Variants in UBASH3B observed in about 807,000 individuals in gnomAD.
UBASH3B encodes the protein ubiquitin associated and SH3 domain containing B.
In UBASH3B, 37 loss-of-function variants were observed where a neutral mutation model predicts 83.4. The observed-to-expected ratio is 0.44, with a 90% CI of 0.34 to 0.58. UBASH3B has a LOEUF of 0.58. Among genes scored for constraint, UBASH3B ranks in the 20% least tolerant of loss-of-function variants. The probability of loss-of-function intolerance (pLI) is 0.01; values close to 1 mark genes in which losing one functional copy is unlikely to be tolerated. For synonymous variants in UBASH3B, 304 were observed against 318.3 expected, an observed-to-expected ratio of 0.96 and a Z score of 0.48; for missense variants, 657 against 827.2, an observed-to-expected ratio of 0.79 and a Z score of 2.52.
Position 122,789,237 on chromosome 11 carries a change from C to A in UBASH3B, c.909C>A (p.Thr303=), listed in dbSNP as rs766919387. 3 of 1,614,208 alleles carry A rather than the reference C, an allele frequency of 1.9e-6. No individual in the cohort carries two copies. The East Asian group carries it at 6.7e-5, about 36-fold the overall frequency. The change falls in exon 6 of 14, where the codon ACC becomes ACA. Residue 303 remains threonine, a synonymous_variant. Coordinates refer to ENST00000284273, the MANE Select transcript of UBASH3B (RefSeq NM_032873.5). The stretch of plus-strand genomic sequence containing the variant: ...GGATCTATGGCACGTCCTTAACCAC[C>A]GGCTGCTCTGGACTCCTGCCTGAGA... ...EGWIYGTSLT[T]GCSGLLPENY...
intron 1 of UBASH3B, among the ~76,000 whole-genome samples, chr11:122,763,028 C>T (rs1298184975): frequency 6.6e-6 from 1 of 152,136 alleles, no homozygotes; most frequent in East Asian, 1.9e-4. Flanking sequence ...GTTATTACCG[C>T]CATTTAAGAG....
chr11:122,779,561 G>C lies in UBASH3B; in HGVS notation c.467G>C (p.Cys156Ser). Residue 156 changes from cysteine to serine, a missense_variant, in exon 4 of 14, where the codon TGT (cysteine) becomes TCT (serine). This residue lies in a region of UBASH3B where 573 missense variants were observed against 739.0 expected (regional missense o/e 0.78). Coordinates refer to ENST00000284273, the MANE Select transcript of UBASH3B (RefSeq NM_032873.5). ...CAGACCACGGTCAGTCGCTGGAAAT[G>C]TAAGTTCTCGGCCCCGCTGCCCCTG... ...ALQTTVSRWKCKFSAPLPLEL... is the reference protein window; with the variant it reads ...ALQTTVSRWKSKFSAPLPLEL... 1 of 1,614,184 alleles carries C rather than the reference G, an allele frequency of 6.2e-7. No homozygotes were observed. The highest frequency in any genetic ancestry group is 8.5e-7 in the Non-Finnish European group (1 of 1,180,024).
intron 1 of UBASH3B, among the ~76,000 whole-genome samples, chr11:122,764,841 T>C (rs528081711): frequency 6.6e-6 from 1 of 152,342 alleles, no homozygotes; most frequent in Non-Finnish European, 1.5e-5. Flanking sequence ...CCAACTGCTC[T>C]GCACACGGAG....
intron 1 of UBASH3B, among the ~76,000 whole-genome samples, chr11:122,720,703 G>A (rs1860610916): frequency 6.6e-6 from 1 of 152,066 alleles, no homozygotes; most frequent in Non-Finnish European, 1.5e-5. Context: ...GCTCTTCCAG[G>A]AAGGCTCTTC....
chr11:122,712,199 A>C (rs1484896022), intron 1 of UBASH3B, among the ~76,000 whole-genome samples: 1 of 152,208 alleles, frequency 6.6e-6, no homozygotes, highest in Non-Finnish European at 1.5e-5. Context: ...CAAAGTCAGC[A>C]GTAGAATTCA....
At chr11:122,705,215 G>A (rs1369082175) in intron 1 of UBASH3B, among the ~76,000 whole-genome samples, 2 of 152,156 alleles carry the variant, frequency 1.3e-5, no homozygotes, top group African/African-American at 2.4e-5. Flanking sequence ...GGGAGGCTGA[G>A]GCAGGCAGAT....
intron 3 of UBASH3B, among the ~76,000 whole-genome samples, chr11:122,778,955 G>A (rs1565561993): frequency 6.6e-6 from 1 of 152,168 alleles, no homozygotes; most frequent in Admixed American, 6.5e-5. Flanking sequence ...CGTATAACAT[G>A]ATGGTTGAAT....
intron 1 of UBASH3B, among the ~76,000 whole-genome samples, chr11:122,673,984 C>T (rs1234507757): frequency 6.6e-6 from 1 of 152,152 alleles, no homozygotes; most frequent in Non-Finnish European, 1.5e-5. Context: ...GTTAATAGGG[C>T]TGTGTTGTTG....
chr11:122,798,770 G>A (rs1485889889), intron 9 of UBASH3B, among the ~76,000 whole-genome samples, 172 bp from the exon 10 acceptor site: 2 of 151,200 alleles, frequency 1.3e-5, no homozygotes, highest in South Asian at 2.1e-4. Flanking sequence ...TAGGAACGCC[G>A]ATGAGGGGTT....
intron 1 of UBASH3B, among the ~76,000 whole-genome samples, chr11:122,771,646 G>C (rs752475049): frequency 2.0e-5 from 3 of 151,900 alleles, no homozygotes; most frequent in Admixed American, 1.3e-4. Context: ...TTTACATAGA[G>C]CCTGTGGGCC....
intron 1 of UBASH3B, among the ~76,000 whole-genome samples, chr11:122,703,222 TTG>T (rs560432745): frequency 1.3e-4 from 19 of 151,876 alleles, no homozygotes; most frequent in African/African-American, 4.6e-4. Context: ...GGTCGGGAGA[TTG>T]AGAGCATCCT....
chr11:122,677,222 G>A (rs1863680118), intron 1 of UBASH3B, among the ~76,000 whole-genome samples: 1 of 152,210 alleles, frequency 6.6e-6, no homozygotes, highest in Non-Finnish European at 1.5e-5. Context: ...GTACACAGGA[G>A]GGTGTGCATG....
At chr11:122,778,596 TTTTTC>T (rs1207412374) in intron 3 of UBASH3B, among the ~76,000 whole-genome samples, 1 of 149,252 alleles carries the variant, frequency 6.7e-6, no homozygotes, top group African/African-American at 2.6e-5. Context: ...TTTGATTTTT[TTTTTC>T]TTTTTCTTTT....
chr11:122,717,826 C>T (rs1041259381), intron 1 of UBASH3B, among the ~76,000 whole-genome samples: 1 of 152,084 alleles, frequency 6.6e-6, no homozygotes, highest in African/African-American at 2.4e-5. Flanking sequence ...TACTGTCCCC[C>T]ACCCCCCATG....
intron 1 of UBASH3B, among the ~76,000 whole-genome samples, chr11:122,698,852 A>G (rs1015415930): frequency 1.3e-5 from 2 of 151,978 alleles, no homozygotes; most frequent in Non-Finnish European, 2.9e-5. Context: ...CTGGGATTTT[A>G]TTTATTTATT....
At position 122,758,421 on chromosome 11, in the gene UBASH3B, G is replaced by T. The variant is rs1861316922; in HGVS notation, c.162-17798G>T. 6.6e-6 allele frequency among the ~76,000 whole-genome samples: 1 copy of T among 152,192 alleles called. No homozygotes were observed. Among genetic ancestry groups the T allele is most frequent in the African/African-American group, 2.4e-5 (1 of 41,452 alleles). ...TGCAGAGTAAGCCTCCAGAGCATCT[G>T]CCAGGAACTGTTTTACCAAAAGATT... is the stretch of plus-strand genomic sequence containing the variant. On this transcript the variant is annotated intron_variant, in intron 1 of 13. Transcript: ENST00000284273. This position sits in a 1 kb window ranked among gnomAD's most constrained non-coding sequence, Gnocchi z 4.2.
At chr11:122,658,039 G>GGTGGT (rs1279038921) in intron 1 of UBASH3B, among the ~76,000 whole-genome samples, 1 of 151,990 alleles carries the variant, frequency 6.6e-6, no homozygotes, top group Non-Finnish European at 1.5e-5. Flanking sequence ...AGCTGGGTGG[G>GGTGGT]GTGGTGCATG....
chr11:122,775,481 G>T (rs1247600194), intron 1 of UBASH3B, among the ~76,000 whole-genome samples: 1 of 152,222 alleles, frequency 6.6e-6, no homozygotes, highest in Non-Finnish European at 1.5e-5. Flanking sequence ...ATCCAGCCTG[G>T]TGGTGGTTGG....
chr11:122,795,285 G>A (rs772347415), intron 7 of UBASH3B, among the ~76,000 whole-genome samples: 7 of 152,144 alleles, frequency 4.6e-5, no homozygotes, highest in Non-Finnish European at 7.3e-5. Context: ...ATAGAGGCAA[G>A]CTGAAAGTTC....
Sources: allele counts gnomAD v4.1 joint callset (sites outside exome capture counted in the v4.1 genomes callset), GRCh38; gene constraint gnomAD v4.1.1; regional missense constraint gnomAD v4.1.1; non-coding constraint Gnocchi (gnomAD v3.1); transcripts MANE v1.5; gene names NCBI Gene and HGNC (gene_info 2026-07-23, HGNC 2026-07-21).